METTL15: variants seen among roughly 807,000 people sequenced by gnomAD.
The protein encoded by METTL15 is 12S rRNA N(4)-cytidine methyltransferase METTL15.
A neutral mutation model predicts 38.3 loss-of-function variants in METTL15; 34 were observed. The ratio of observed to expected loss-of-function variants is 0.89; its 90% confidence interval spans 0.68 to 1.18. METTL15 has a LOEUF of 1.18. Ranked by LOEUF, METTL15 falls within the 50% of genes most tolerant of loss-of-function variation. METTL15 has a pLI of 0.00. For synonymous variants in METTL15, 162 were observed against 170.9 expected (o/e 0.95, Z 0.41); for missense variants, 438 against 498.4 (o/e 0.88, Z 1.15).
At chr11:28,287,404 A>T (rs1856321866) in intron 4 of METTL15, 2 of 388,814 alleles carry the variant, frequency 5.1e-6, no homozygotes, top group Non-Finnish European at 1.0e-5. Context: ...CTGGGGGCTG[A>T]TCACTCCACA....
At chr11:28,328,174 C>T (rs371200085) in intron 6 of METTL15, 53 of 1,607,156 alleles carry the variant, frequency 3.3e-5, no homozygotes, top group Non-Finnish European at 4.2e-5. Flanking sequence ...TGGTAAGAAG[C>T]TGGCCTTCCT....
chr11:28,330,799 C>A lies in METTL15; in HGVS notation c.1182C>A (p.Pro394=). The change falls in exon 7 of 7, where the codon CCC becomes CCA. Residue 394 remains proline, a synonymous_variant. Transcript: ENST00000407364. ...AAGATCAGGATGTACAAGATAACCC[C>A]AGAGGGCGCTCAGCCAAGCTTAGAG... ...SPQDQDVQDN[P]RGRSAKLRAA... The A allele has an allele frequency of 6.4e-7, 1 of 1,551,346 alleles. No individual in the cohort carries two copies. Among genetic ancestry groups the A allele is most frequent in the Non-Finnish European group, 8.7e-7 (1 of 1,146,746 alleles).
chr11:28,349,716 T>C (rs886215149), intron 3 of METTL15, among the ~76,000 whole-genome samples: 12 of 152,212 alleles, frequency 7.9e-5, no homozygotes, highest in Non-Finnish European at 1.0e-4. Flanking sequence ...TTAACAAGTA[T>C]ATTTACCACA....
chr11:28,510,017 T>C (rs1402714951), intron 6 of METTL15, among the ~76,000 whole-genome samples: 1 of 152,138 alleles, frequency 6.6e-6, no homozygotes, highest in East Asian at 1.9e-4. Context: ...TAAGTAGATA[T>C]TAGGATGGCA....
intron 2 of METTL15, among the ~76,000 whole-genome samples, 189 bp downstream of exon 2, chr11:28,110,590 A>G (rs903769140): frequency 6.6e-6 from 1 of 152,150 alleles, no homozygotes; most frequent in African/African-American, 2.4e-5. Flanking sequence ...TCAGAGCGTA[A>G]TTCTTAGGCA....
chr11:28,333,951 T>G (rs1175630701), downstream of METTL15, among the ~76,000 whole-genome samples: 1 of 151,838 alleles, frequency 6.6e-6, no homozygotes, highest in Non-Finnish European at 1.5e-5. Context: ...AATTTTTGTT[T>G]CTAATTTTTG....
chr11:28,391,860 C>T (rs961644680), intron 5 of METTL15, among the ~76,000 whole-genome samples: 8 of 152,104 alleles, frequency 5.3e-5, no homozygotes, highest in Non-Finnish European at 4.4e-5. Context: ...ACCATAAAAA[C>T]CCTAGAAGAA....
intron 4 of METTL15, among the ~76,000 whole-genome samples, chr11:28,282,669 C>T (rs1056794398): frequency 3.3e-5 from 5 of 152,124 alleles, no homozygotes; most frequent in Admixed American, 2.0e-4. Flanking sequence ...CTGGGATTGC[C>T]CTACATTGTT....
intron 4 of METTL15, among the ~76,000 whole-genome samples, chr11:28,236,302 C>T (rs1853967423): frequency 6.6e-6 from 1 of 152,150 alleles, no homozygotes; most frequent in Non-Finnish European, 1.5e-5. Flanking sequence ...GCTTTGGTGT[C>T]AGGATGATGC....
At chr11:28,113,788 A>G (rs972209866) in intron 3 of METTL15, among the ~76,000 whole-genome samples, 184 bp downstream of exon 3, 2 of 152,192 alleles carry the variant, frequency 1.3e-5, no homozygotes, top group Admixed American at 6.5e-5. Context: ...CCATACAACC[A>G]TGCTTTTTTT....
At chr11:28,282,346 A>G (rs892056349) in intron 4 of METTL15, among the ~76,000 whole-genome samples, 1 of 152,178 alleles carries the variant, frequency 6.6e-6, no homozygotes, top group African/African-American at 2.4e-5. Flanking sequence ...AAAAGAAACT[A>G]CCTTGTAACA....
intron 3 of METTL15, among the ~76,000 whole-genome samples, chr11:28,160,899 A>G (rs551875485): frequency 2.0e-5 from 3 of 152,220 alleles, no homozygotes; most frequent in Admixed American, 2.0e-4. Context: ...ATTCTCAATC[A>G]TATTAGACCC....
At chr11:28,517,585 A>G (rs1851729749) in intron 6 of METTL15, among the ~76,000 whole-genome samples, 1 of 152,124 alleles carries the variant, frequency 6.6e-6, no homozygotes, top group African/African-American at 2.4e-5. Flanking sequence ...GCTGAAACAC[A>G]TTTTGAGCTC....
intron 4 of METTL15, among the ~76,000 whole-genome samples, chr11:28,252,803 A>G (rs1199267056): frequency 1.3e-5 from 2 of 152,088 alleles, no homozygotes; most frequent in Non-Finnish European, 2.9e-5. Flanking sequence ...ACTCCTTAAT[A>G]AAGTTGTCCA....
At chr11:28,513,572 G>A (rs1851694270) in intron 6 of METTL15, among the ~76,000 whole-genome samples, 1 of 152,198 alleles carries the variant, frequency 6.6e-6, no homozygotes, top group Non-Finnish European at 1.5e-5. Context: ...CAGAAATATA[G>A]AGGTGTAAAG....
chr11:28,199,745 CT>C (rs796080440), intron 3 of METTL15, among the ~76,000 whole-genome samples: 187 of 142,188 alleles, frequency 1.3e-3, no homozygotes, highest in Non-Finnish European at 1.4e-3. Context: ...ATTAAGTTGA[CT>C]TTTTTTTTTT....
chr11:28,503,749 C>A (rs1200750118), intron 6 of METTL15, among the ~76,000 whole-genome samples: 1 of 151,734 alleles, frequency 6.6e-6, no homozygotes, highest in Non-Finnish European at 1.5e-5. Flanking sequence ...CAAGATCGTG[C>A]CACTGCACTC....
chr11:28,206,589 G>A (rs1184950729), intron 3 of METTL15, among the ~76,000 whole-genome samples: 20 of 148,036 alleles, frequency 1.4e-4, no homozygotes, highest in East Asian at 6.0e-4. Flanking sequence ...TTGGCAATGC[G>A]GGCTGTTTTC....
intron 6 of METTL15, among the ~76,000 whole-genome samples, chr11:28,515,538 C>T (rs1157109764): frequency 6.6e-6 from 1 of 152,170 alleles, no homozygotes; most frequent in East Asian, 1.9e-4. Context: ...ACATATGGCC[C>T]TTCACCTCTT....
Sources: allele counts gnomAD v4.1 joint callset (sites outside exome capture counted in the v4.1 genomes callset), GRCh38; gene constraint gnomAD v4.1.1; transcripts MANE v1.5; gene names NCBI Gene and HGNC (gene_info 2026-07-23, HGNC 2026-07-21).